ZDHHC14: variants seen among roughly 807,000 people sequenced by gnomAD.
The protein encoded by ZDHHC14 is palmitoyltransferase ZDHHC14.
A neutral mutation model predicts 47.7 loss-of-function variants in ZDHHC14; 16 were observed. The ratio of observed to expected loss-of-function variants is 0.34; its 90% CI spans 0.23 to 0.51. The LOEUF is 0.51. ZDHHC14 is among the 20% of genes least tolerant of loss of function. The probability of loss-of-function intolerance (pLI) is 0.97; values close to 1 mark genes in which losing one functional copy is unlikely to be tolerated. For synonymous variants in ZDHHC14, 293 were observed against 278.9 expected (o/e 1.05, Z -0.50); for missense variants, 515 against 662.5 (o/e 0.78, Z 2.44).
intron 4 of ZDHHC14, 138 bp downstream of exon 4, chr6:157,628,624 C>A: frequency 8.6e-7 from 1 of 1,165,570 alleles, no homozygotes; most frequent in Non-Finnish European, 1.2e-6. Flanking sequence ...TCCTCACTTC[C>A]AGCCTGCCTC....
intron 1 of ZDHHC14, among the ~76,000 whole-genome samples, chr6:157,397,475 C>T (rs1777545262): frequency 6.6e-6 from 1 of 152,148 alleles, no homozygotes; most frequent in African/African-American, 2.4e-5. Flanking sequence ...CAGTCCCCTC[C>T]CTCCATCCTC....
rs149697907 is a variant in ZDHHC14 at position 157,482,084 on chromosome 6, C to T, written c.246-60501C>T. ...GGACATTCCCACTGAAACTACTTCA[C>T]AGAAAGAAAGCTTGCAAAAAAAGTG... On this transcript the variant is annotated intron_variant, in intron 1 of 8. Coordinates refer to ENST00000359775, the MANE Select transcript of ZDHHC14 (RefSeq NM_024630.3). 7.3e-3 allele frequency among the ~76,000 whole-genome samples: 1,109 copies of T among 152,148 alleles called. 23 individuals are homozygous for T. Among genetic ancestry groups the T allele is most frequent in the Admixed American group, 0.037 (560 of 15,282 alleles).
At position 157,502,389 on chromosome 6, in the gene ZDHHC14, G is replaced by A. The variant is rs1169780342; in HGVS notation, c.246-40196G>A. Among the ~76,000 whole-genome samples the A allele has an allele frequency of 6.6e-6, 1 of 152,222 alleles. No homozygotes were observed. On this transcript the variant is annotated intron_variant, in intron 1 of 8. Transcript: ENST00000359775. The surrounding 1 kb of genome is among the most constrained non-coding windows in gnomAD (Gnocchi z 4.0). ...GAGCAGTCAGGCAGTAGCTGTGGGA[G>A]CAGTAGTCAGGAGATTTCTTCACAT...
Position 157,672,749 on chromosome 6 carries a change from G to A in ZDHHC14, c.1094G>A (p.Ser365Asn). 6.2e-7 allele frequency: 1 copy of A among 1,611,296 alleles called. No homozygotes were observed. Among genetic ancestry groups the A allele is most frequent in the Non-Finnish European group, 8.5e-7 (1 of 1,179,166 alleles). ...TGCGACCAAGACCAGTGCATTCAGA[G>A]CACCAAATTCGTTTTGCAGGCTGCA... The part of the protein sequence containing the change: ...DMCDQDQCIQ[S>N]TKFVLQAAAT... The change falls in exon 9 of 9, where the codon AGC becomes AAC. Residue 365 changes from serine to asparagine, a missense_variant. By Grantham distance (46) the Ser-to-Asn change is conservative. Transcript: ENST00000359775.
intron 1 of ZDHHC14, among the ~76,000 whole-genome samples, chr6:157,405,549 T>TA (rs200838018): frequency 0.013 from 1,966 of 151,844 alleles, 17 homozygotes; most frequent in Non-Finnish European, 0.018. Flanking sequence ...AAATTTTTTT[T>TA]AAAAAAAATA....
Position 157,673,302 on chromosome 6 carries a change from C to T in ZDHHC14, c.*180C>T. On this transcript the variant is annotated 3_prime_UTR_variant, in exon 9 of 9. Transcript: ENST00000359775. The surrounding 1 kb of genome is among the most constrained non-coding windows in gnomAD (Gnocchi z 5.4). Reference sequence around the variant, plus strand: ...GGTGGCTGGCCCCGGATGCTGAGAGCTTGGTTTCATTTGAATTTTCTTCCC... The same window carrying T: ...GGTGGCTGGCCCCGGATGCTGAGAGTTTGGTTTCATTTGAATTTTCTTCCC... The T allele has an allele frequency of 1.3e-6, 1 of 759,170 alleles. No homozygotes were observed. The allele number at this position is 759,170 out of a possible 1,614,324, so 47.0% of individuals were successfully genotyped here.
chr6:157,670,219 C>T (rs1472592995), intron 8 of ZDHHC14, among the ~76,000 whole-genome samples: 2 of 152,172 alleles, frequency 1.3e-5, no homozygotes, highest in East Asian at 1.9e-4. Context: ...GAAGCACCGC[C>T]GTGGCACAAA....
intron 8 of ZDHHC14, among the ~76,000 whole-genome samples, chr6:157,659,745 G>T (rs1426912719): frequency 6.6e-6 from 1 of 152,262 alleles, no homozygotes; most frequent in Non-Finnish European, 1.5e-5. Flanking sequence ...GGTCTGGCAA[G>T]TTGCCAAGCA....
At chr6:157,441,135 T>G (rs1166832232) in intron 1 of ZDHHC14, among the ~76,000 whole-genome samples, 1 of 152,152 alleles carries the variant, frequency 6.6e-6, no homozygotes, top group Non-Finnish European at 1.5e-5. Flanking sequence ...TAGTGAGAGT[T>G]GAAAAGAGGG....
chr6:157,633,775 C>T (rs1776832536), intron 5 of ZDHHC14, among the ~76,000 whole-genome samples: 1 of 152,224 alleles, frequency 6.6e-6, no homozygotes, highest in South Asian at 2.1e-4. Context: ...ACCTCGGCCT[C>T]CCAAGTAGCT....
intron 1 of ZDHHC14, among the ~76,000 whole-genome samples, chr6:157,454,891 C>T (rs886641067): frequency 6.6e-6 from 1 of 152,174 alleles, no homozygotes. Context: ...CCAGCAGAAG[C>T]ACAATATTGA....
rs1334982136 is a variant in ZDHHC14, at chr6:157,463,313, A to G, written c.246-79272A>G. Among the ~76,000 whole-genome samples the G allele has an allele frequency of 6.6e-6, 1 of 152,218 alleles. No homozygotes were observed. Among genetic ancestry groups the G allele is most frequent in the African/African-American group, 2.4e-5 (1 of 41,446 alleles). ...AGAAACAATTGAATAGTCCAGATTC[A>G]TTATTTTTTCCCCTCTTGCTATAAA... On this transcript the variant is annotated intron_variant, in intron 1 of 8. Transcript: ENST00000359775. This position sits in a 1 kb window ranked among gnomAD's most constrained non-coding sequence, Gnocchi z 4.4.
chr6:157,655,362 G>A (rs1471030172), intron 8 of ZDHHC14, among the ~76,000 whole-genome samples: 1 of 152,138 alleles, frequency 6.6e-6, no homozygotes, highest in African/African-American at 2.4e-5. Context: ...TCTACCCAAG[G>A]CCACACAGAC....
At chr6:157,613,126 GAC>G (rs1784817678) in intron 3 of ZDHHC14, among the ~76,000 whole-genome samples, 1 of 152,202 alleles carries the variant, frequency 6.6e-6, no homozygotes, top group Non-Finnish European at 1.5e-5. Context: ...GTCTGTGACT[GAC>G]GCAACCTACA....
intron 1 of ZDHHC14, among the ~76,000 whole-genome samples, chr6:157,501,426 C>T (rs1780190545): frequency 6.6e-6 from 1 of 152,086 alleles, no homozygotes; most frequent in African/African-American, 2.4e-5. Flanking sequence ...AACAATTATT[C>T]CAGGAATCTG....
intron 3 of ZDHHC14, among the ~76,000 whole-genome samples, chr6:157,608,615 TGACGTGGA>T (rs1284109598): frequency 6.6e-6 from 1 of 152,124 alleles, no homozygotes; most frequent in Non-Finnish European, 1.5e-5. Context: ...GAGGTGTGGC[TGACGTGGA>T]GACTCAGGTC....
intron 5 of ZDHHC14, among the ~76,000 whole-genome samples, 158 bp from the exon 6 acceptor site, chr6:157,645,579 A>G (rs1217282477): frequency 6.6e-6 from 1 of 152,210 alleles, no homozygotes. Flanking sequence ...TGGTTAGACG[A>G]AATTCCCGGA....
intron 1 of ZDHHC14, among the ~76,000 whole-genome samples, chr6:157,460,923 C>T (rs985291254): frequency 6.6e-6 from 1 of 152,194 alleles, no homozygotes; most frequent in Non-Finnish European, 1.5e-5. Flanking sequence ...CAACAGGAGA[C>T]ACCCAGATCA....
At chr6:157,419,418 A>G (rs1437227605) in intron 1 of ZDHHC14, among the ~76,000 whole-genome samples, 5 of 152,226 alleles carry the variant, frequency 3.3e-5, no homozygotes, top group Non-Finnish European at 5.9e-5. Context: ...AATTCCCTGT[A>G]TGGTACAGTA....
Sources: allele counts gnomAD v4.1 joint callset (sites outside exome capture counted in the v4.1 genomes callset), GRCh38; gene constraint gnomAD v4.1.1; non-coding constraint Gnocchi (gnomAD v3.1); transcripts MANE v1.5; gene names NCBI Gene and HGNC (gene_info 2026-07-23, HGNC 2026-07-21).